Variants in FSD2 observed in about 807,000 individuals in gnomAD.
FSD2 encodes the protein fibronectin type III and SPRY domain containing 2.
A neutral mutation model predicts 80.4 loss-of-function variants in FSD2; 71 were observed. The ratio of observed to expected loss-of-function variants is 0.88; its 90% CI spans 0.73 to 1.08. FSD2 has a LOEUF of 1.08. Among genes scored for constraint, FSD2 ranks in the 50% least tolerant of loss-of-function variants. FSD2 has a pLI of 0.00. For synonymous variants in FSD2, 361 were observed against 329.5 expected, an observed-to-expected ratio of 1.10 and a Z score of -1.03; for missense variants, 923 against 913.8, an observed-to-expected ratio of 1.01 and a Z score of -0.13.
intron 9 of FSD2, among the ~76,000 whole-genome samples, chr15:82,767,258 T>C (rs2049445203): frequency 1.3e-5 from 2 of 152,036 alleles, no homozygotes. Context: ...TGTATAATGG[T>C]GGGGGCAGGA....
At chr15:82,797,582 G>T (rs187914019) in intron 1 of FSD2, among the ~76,000 whole-genome samples, 1 of 152,250 alleles carries the variant, frequency 6.6e-6, no homozygotes, top group African/African-American at 2.4e-5. Context: ...AGGCCGAGGC[G>T]GGCAGATCAT....
At position 82,804,513 on chromosome 15, in the gene FSD2, C is replaced by T. The variant is rs140537533; in HGVS notation, c.-79+1453G>A. On this transcript the variant is annotated intron_variant, in intron 1 of 12. Transcript: ENST00000334574. ...TTGAATCCAAGCTTTTCACCTGACA[C>T]ACAACCAGTCAGGTGAAGAGCTTGG... 2.2e-3 allele frequency among the ~76,000 whole-genome samples: 331 copies of T among 152,232 alleles called. 6 individuals carry two copies. Among genetic ancestry groups the T allele is most frequent in the African/African-American group, 6.6e-3 (273 of 41,548 alleles).
intron 8 of FSD2, 47 bp downstream of exon 8, chr15:82,769,703 G>A (rs369437235): frequency 8.3e-6 from 13 of 1,573,690 alleles, no homozygotes; most frequent in African/African-American, 5.4e-5. Flanking sequence ...TGACTCCTGT[G>A]TCCGCTTGAA....
intron 1 of FSD2, among the ~76,000 whole-genome samples, chr15:82,788,299 C>T (rs935430905): frequency 2.0e-5 from 3 of 147,936 alleles, no homozygotes; most frequent in Non-Finnish European, 4.5e-5. Flanking sequence ...AGTTCGAGAT[C>T]GTCCTGGGCA....
chr15:82,762,707 T>C (rs1487122036), intron 11 of FSD2, among the ~76,000 whole-genome samples: 3 of 152,230 alleles, frequency 2.0e-5, no homozygotes. Flanking sequence ...GCCATCATGT[T>C]AGGGATGACT....
chr15:82,802,320 C>T (rs2050433769), intron 1 of FSD2, among the ~76,000 whole-genome samples: 1 of 152,190 alleles, frequency 6.6e-6, no homozygotes, highest in Non-Finnish European at 1.5e-5. Flanking sequence ...CACTTTAGCC[C>T]ATGTTTCCCT....
chr15:82,775,833 G>A (rs1023543180), intron 6 of FSD2, among the ~76,000 whole-genome samples: 3 of 152,104 alleles, frequency 2.0e-5, no homozygotes, highest in African/African-American at 7.2e-5. Flanking sequence ...GGTATGTTGT[G>A]TTTCATTTTC....
chr15:82,782,273 G>A (rs1395295973), intron 4 of FSD2, among the ~76,000 whole-genome samples: 5 of 151,054 alleles, frequency 3.3e-5, no homozygotes, highest in Admixed American at 1.3e-4. Flanking sequence ...GGTGGCGAGC[G>A]CCTGTAGTCC....
intron 9 of FSD2, among the ~76,000 whole-genome samples, chr15:82,768,323 C>T (rs1012647051): frequency 1.1e-4 from 17 of 152,228 alleles, no homozygotes; most frequent in African/African-American, 3.1e-4. Context: ...CCCCTGCATT[C>T]GCTGTTCTTG....
chr15:82,789,546 C>G (rs1162201416), intron 1 of FSD2, among the ~76,000 whole-genome samples: 7 of 152,074 alleles, frequency 4.6e-5, no homozygotes, highest in Non-Finnish European at 7.4e-5. Context: ...GGGAGGGTAT[C>G]TTGTGCAAGG....
Position 82,788,504 on chromosome 15 carries a change from C to CAAAAA in FSD2, c.-78-1041_-78-1037dup, listed in dbSNP as rs11317915. 5.9e-3 allele frequency among the ~76,000 whole-genome samples: 391 copies of CAAAAA among 66,224 alleles called. 1 individual carries two copies. The highest frequency in any genetic ancestry group is 8.1e-3 in the Non-Finnish European group (290 of 35,768). The allele number at this position is 66,224 out of a possible 152,430, so 43.4% of individuals were successfully genotyped here. A position where few individuals can be genotyped will look rare whatever the true frequency, so the allele number is the denominator to read the frequency against. On this transcript the variant is annotated intron_variant, in intron 1 of 12. Coordinates refer to ENST00000334574, the MANE Select transcript of FSD2 (RefSeq NM_001007122.4). ...TGGGTGACAGAGCAGGACCCTGTCTCAAAAAAAAAAAAAAAAAAAAAAAGT... is the reference window on the plus strand; with the variant it reads ...TGGGTGACAGAGCAGGACCCTGTCTCAAAAAAAAAAAAAAAAAAAAAAAAAAAAGT...
intron 3 of FSD2, among the ~76,000 whole-genome samples, chr15:82,783,306 C>A (rs975947155): frequency 6.6e-6 from 1 of 152,108 alleles, no homozygotes; most frequent in Non-Finnish European, 1.5e-5. Context: ...ATCATATTGG[C>A]CAGGTTGGTC....
In FSD2 at chr15:82,782,989, G is replaced by A. The variant is rs780523958; in HGVS notation, c.772C>T (p.His258Tyr). ...AGTGTTTCCAAGATCTCGTTGTAAT[G>A]TGACTCAAAGTTTTGTTCTTGTTTT... Reference protein sequence around the residue: ...FGKQEQNFESHYNEILETLAQ... With the variant: ...FGKQEQNFESYYNEILETLAQ... The change falls in exon 4 of 13, where the codon CAT (histidine) becomes TAT (tyrosine). Residue 258 changes from histidine to tyrosine, a missense_variant. His to Tyr is a moderately conservative substitution (Grantham distance 83). Coordinates refer to ENST00000334574, the MANE Select transcript of FSD2 (RefSeq NM_001007122.4). 1.2e-6 allele frequency: 2 copies of A among 1,613,072 alleles called. No homozygotes were observed. The highest frequency in any genetic ancestry group is 8.5e-7 in the Non-Finnish European group (1 of 1,179,714).
chr15:82,766,257 G>C (rs544123176), intron 9 of FSD2, among the ~76,000 whole-genome samples: 2 of 152,308 alleles, frequency 1.3e-5, no homozygotes, highest in East Asian at 3.9e-4. Flanking sequence ...GTTTGTGGCT[G>C]TCTCCTCTCC....
At position 82,765,317 on chromosome 15, in the gene FSD2, A is replaced by G; in HGVS notation, c.1688-19T>C. On this transcript the variant is annotated intron_variant, in intron 10 of 12. Coordinates refer to ENST00000334574, the MANE Select transcript of FSD2 (RefSeq NM_001007122.4). ...TAGCTTCCTGTGGGAGGAGGAACAC[A>G]CAGAAGACCCGCAGCCAATCACTTG... is the stretch of plus-strand genomic sequence containing the variant. 1 of 1,612,710 alleles carries G rather than the reference A, an allele frequency of 6.2e-7. No homozygotes were observed. Among genetic ancestry groups the G allele is most frequent in the South Asian group, 1.1e-5 (1 of 90,834 alleles).
At chr15:82,762,340 A>G in intron 11 of FSD2, 62 bp from the exon 12 acceptor site, 1 of 1,517,836 alleles carries the variant, frequency 6.6e-7, no homozygotes, top group Non-Finnish European at 9.0e-7. Flanking sequence ...TGTGCAGGTC[A>G]GTGATGCCAG....
At chr15:82,790,164 AG>A (rs2050104722) in intron 1 of FSD2, among the ~76,000 whole-genome samples, 1 of 149,330 alleles carries the variant, frequency 6.7e-6, no homozygotes, top group African/African-American at 2.5e-5. Context: ...CAACAGAGCG[AG>A]ACTCCGTCTC....
chr15:82,798,882 T>TTG (rs1386389347), intron 1 of FSD2, among the ~76,000 whole-genome samples: 1 of 148,614 alleles, frequency 6.7e-6, no homozygotes, highest in Non-Finnish European at 1.5e-5. Flanking sequence ...TGTTTTGTTT[T>TTG]TTTTTTTTTT....
At chr15:82,779,527 A>T (rs1018585610) in intron 5 of FSD2, among the ~76,000 whole-genome samples, 1 of 151,980 alleles carries the variant, frequency 6.6e-6, no homozygotes, top group East Asian at 1.9e-4. Flanking sequence ...ATTAGCCAGG[A>T]TGGTGGGGGA....
Sources: gnomAD v4.1 joint callset for allele counts (sites outside exome capture counted in the v4.1 genomes callset) on GRCh38, gnomAD v4.1.1 for gene constraint, MANE v1.5 for transcripts, NCBI Gene and HGNC (gene_info 2026-07-23, HGNC 2026-07-21) for gene names.